The following MACROD2 variants were observed in gnomAD, a reference collection of about 807,000 sequenced individuals.
MACROD2 encodes ADP-ribose glycohydrolase MACROD2.
MACROD2 carries 36 observed loss-of-function variants against 70.4 expected under a neutral mutation model. The observed-to-expected ratio is 0.51, with a 90% CI of 0.39 to 0.68. The LOEUF is 0.68. MACROD2 is among the 30% of genes least tolerant of loss of function. MACROD2 has a pLI of 0.00. For missense variants in MACROD2, 496 were observed against 538.4 expected (o/e 0.92, Z 0.78); for synonymous variants, 172 against 178.8 (o/e 0.96, Z 0.30).
intron 8 of MACROD2, among the ~76,000 whole-genome samples, chr20:15,557,048 T>C (rs2048177657): frequency 6.6e-6 from 1 of 152,130 alleles, no homozygotes; most frequent in South Asian, 2.1e-4. Context: ...GATTGATGAG[T>C]CATACAATCA....
intron 3 of MACROD2, among the ~76,000 whole-genome samples, chr20:14,148,556 A>G (rs1411004204): frequency 2.0e-5 from 3 of 152,228 alleles, no homozygotes; most frequent in African/African-American, 7.2e-5. Context: ...AGTCTTTTAC[A>G]GTTTCTATAC....
At chr20:14,285,810 T>C (rs903698453) in intron 3 of MACROD2, among the ~76,000 whole-genome samples, 1 of 152,058 alleles carries the variant, frequency 6.6e-6, no homozygotes, top group South Asian at 2.1e-4. Flanking sequence ...TCAGTCCCTC[T>C]CCCACAACTA....
chr20:15,319,726 G>T (rs756645449), intron 6 of MACROD2, among the ~76,000 whole-genome samples: 1 of 152,162 alleles, frequency 6.6e-6, no homozygotes, highest in South Asian at 2.1e-4. Context: ...CTGTGGAAAT[G>T]CATGAATGGA....
At chr20:14,224,149 A>G (rs1314262073) in intron 3 of MACROD2, among the ~76,000 whole-genome samples, 1 of 152,156 alleles carries the variant, frequency 6.6e-6, no homozygotes, top group Non-Finnish European at 1.5e-5. Context: ...TCACAGAAAC[A>G]TACTATTTGA....
chr20:14,191,212 C>T (rs1432073557), intron 3 of MACROD2, among the ~76,000 whole-genome samples: 1 of 152,078 alleles, frequency 6.6e-6, no homozygotes, highest in Non-Finnish European at 1.5e-5. Flanking sequence ...CTCCTGTTGC[C>T]CTCAGACACA....
intron 15 of MACROD2, among the ~76,000 whole-genome samples, chr20:16,015,133 A>C (rs1205357491): frequency 6.6e-6 from 1 of 152,204 alleles, no homozygotes; most frequent in Non-Finnish European, 1.5e-5. Context: ...GTTTATATGT[A>C]TAGAAACCTG....
chr20:14,402,538 T>A (rs1483530318), intron 3 of MACROD2, among the ~76,000 whole-genome samples: 1 of 152,152 alleles, frequency 6.6e-6, no homozygotes, highest in Admixed American at 6.5e-5. Flanking sequence ...TGTGTGTGTG[T>A]GAGTGTGTTT....
chr20:15,459,720 G>C (rs1173511777), intron 7 of MACROD2, among the ~76,000 whole-genome samples: 3 of 152,008 alleles, frequency 2.0e-5, no homozygotes, highest in African/African-American at 7.3e-5. Flanking sequence ...TCCTCTCCCG[G>C]GAGCCTATGG....
chr20:15,651,914 G>T (rs1223115849), intron 8 of MACROD2, among the ~76,000 whole-genome samples: 3 of 152,104 alleles, frequency 2.0e-5, no homozygotes, highest in African/African-American at 7.2e-5. Flanking sequence ...TTGCATTTTA[G>T]TAAGAGCCTT....
At chr20:15,328,446 C>A (rs1357024916) in intron 6 of MACROD2, among the ~76,000 whole-genome samples, 2 of 152,100 alleles carry the variant, frequency 1.3e-5, no homozygotes, top group Admixed American at 6.6e-5. Context: ...TCAAATGAAT[C>A]CTTCTGGCAG....
intron 8 of MACROD2, among the ~76,000 whole-genome samples, chr20:15,619,044 T>A (rs150476943): frequency 1.3e-5 from 2 of 152,194 alleles, no homozygotes; most frequent in African/African-American, 4.8e-5. Flanking sequence ...AGCCACAAGA[T>A]CACATGAGCC....
chr20:14,905,699 C>T (rs2073950848), intron 5 of MACROD2: 1 of 152,126 alleles, frequency 6.6e-6, no homozygotes, highest in South Asian at 2.1e-4. Context: ...ATGCTATTTA[C>T]CTAGGCTCTA....
intron 7 of MACROD2, among the ~76,000 whole-genome samples, chr20:15,457,055 CTTTT>C (rs67567968): frequency 0.3 from 40,186 of 132,042 alleles, 6,414 homozygotes; most frequent in East Asian, 0.65. Flanking sequence ...TTCCTTTCTT[CTTTT>C]TTTTTTTTTT....
At chr20:14,114,467 C>T (rs2054490948) in intron 3 of MACROD2, among the ~76,000 whole-genome samples, 1 of 152,070 alleles carries the variant, frequency 6.6e-6, no homozygotes, top group African/African-American at 2.4e-5. Context: ...ATTGATTGTC[C>T]AAAGCCTATA....
At chr20:15,947,037 A>G (rs1187820790) in intron 12 of MACROD2, among the ~76,000 whole-genome samples, 1 of 152,194 alleles carries the variant, frequency 6.6e-6, no homozygotes, top group Non-Finnish European at 1.5e-5. Flanking sequence ...CAGTGGAGTA[A>G]AAAATAATAA....
At chr20:14,299,838 A>G (rs1019077567) in intron 3 of MACROD2, among the ~76,000 whole-genome samples, 3 of 152,206 alleles carry the variant, frequency 2.0e-5, no homozygotes, top group Non-Finnish European at 4.4e-5. Flanking sequence ...TACATAGTGA[A>G]GGACTTCCTT....
chr20:15,081,485 C>T (rs1420974908), intron 5 of MACROD2, among the ~76,000 whole-genome samples: 2 of 152,134 alleles, frequency 1.3e-5, no homozygotes, highest in Non-Finnish European at 2.9e-5. Flanking sequence ...AGTCTTGTAT[C>T]CATGAACCAC....
At chr20:14,717,193 A>G (rs569607627) in intron 5 of MACROD2, among the ~76,000 whole-genome samples, 2 of 152,268 alleles carry the variant, frequency 1.3e-5, no homozygotes, top group African/African-American at 4.8e-5. Flanking sequence ...ATAAAACAGA[A>G]TATAGAAAAT....
At chr20:15,618,441 C>G (rs1438426774) in intron 8 of MACROD2, among the ~76,000 whole-genome samples, 2 of 152,142 alleles carry the variant, frequency 1.3e-5, no homozygotes, top group Admixed American at 6.5e-5. Flanking sequence ...TTATCCCACA[C>G]CAGCCTCATG....
Sources: allele counts gnomAD v4.1 joint callset (sites outside exome capture counted in the v4.1 genomes callset), GRCh38; gene constraint gnomAD v4.1.1; transcripts MANE v1.5; gene names NCBI Gene and HGNC (gene_info 2026-07-23, HGNC 2026-07-21).